Variants in JCAD observed in about 807,000 individuals in gnomAD.
JCAD encodes junctional cadherin 5 associated, also known as junctional cadherin 5-associated protein.
A neutral mutation model predicts 98.0 loss-of-function variants in JCAD; 40 were observed. That is an observed-to-expected ratio of 0.41 (90% confidence interval 0.32 to 0.53). The LOEUF (loss-of-function observed/expected upper bound fraction) is 0.53, where lower values mean the gene tolerates loss of function less well. Ranked by LOEUF, JCAD falls within the 20% of genes least tolerant of loss-of-function variation. The pLI, the probability that JCAD is intolerant of heterozygous loss-of-function variation, is 0.31. For missense variants in JCAD, 1,705 were observed against 1,738.1 expected (o/e 0.98, Z 0.34); for synonymous variants, 691 against 682.3 (o/e 1.01, Z -0.20).
intron 1 of JCAD, among the ~76,000 whole-genome samples, chr10:30,049,097 T>C (rs1837415498): frequency 6.6e-6 from 1 of 152,240 alleles, no homozygotes; most frequent in Non-Finnish European, 1.5e-5. Flanking sequence ...TGTTTATTCC[T>C]ACATGAGAAC....
rs1193989222 is a variant in JCAD at position 30,059,327 on chromosome 10, G to C, written c.-60+155C>G. ...AGGCGGGGCTGCGACTGGGGGTGCA[G>C]ACATCCCCCACCGCCAGGGTGGCTG... On this transcript the variant is annotated intron_variant, in intron 1 of 3. Transcript: ENST00000375377. This position sits in a 1 kb window ranked among gnomAD's most constrained non-coding sequence, Gnocchi z 5.0. Among the ~76,000 whole-genome samples, 4 of 151,294 alleles carry C rather than the reference G, an allele frequency of 2.6e-5. No homozygotes were observed. The highest frequency in any genetic ancestry group is 5.9e-5 in the Non-Finnish European group (4 of 67,706).
intron 2 of JCAD, among the ~76,000 whole-genome samples, chr10:30,033,452 C>T (rs1405436503): frequency 6.6e-6 from 1 of 152,206 alleles, no homozygotes; most frequent in Admixed American, 6.5e-5. Context: ...TGTTGTCAAA[C>T]TGACCTTAGA....
chr10:30,050,925 C>A (rs1469641751), intron 1 of JCAD, among the ~76,000 whole-genome samples: 2 of 152,198 alleles, frequency 1.3e-5, no homozygotes, highest in Non-Finnish European at 2.9e-5. Flanking sequence ...ATGCTTCCAG[C>A]AAACTTCTCG....
chr10:30,027,098 G>A lies in JCAD; in HGVS notation c.3050C>T (p.Ala1017Val). ...SAFSSVKPSE[A>V]VPRKFDSGGE... ...ACCACTGTCAAACTTCCGAGGGACC[G>A]CTTCACTTGGTTTCACAGAGCTGAA... Residue 1017 changes from alanine to valine, a missense_variant, in exon 3 of 4, where the codon GCG becomes GTG. This residue lies in a region of JCAD where 1,278 missense variants were observed against 1,243.1 expected (regional missense o/e 1.03). Coordinates refer to ENST00000375377, the MANE Select transcript of JCAD (RefSeq NM_020848.4). 2 of 1,614,182 alleles carry A rather than the reference G, an allele frequency of 1.2e-6. No homozygotes were observed. The highest frequency in any genetic ancestry group is 2.2e-5 in the South Asian group (2 of 91,086).
Position 30,040,499 on chromosome 10 carries a change from T to C in JCAD, c.281+7033A>G, listed in dbSNP as rs761902915. 6.7e-4 allele frequency among the ~76,000 whole-genome samples: 102 copies of C among 152,226 alleles called. 2 individuals are homozygous for C. Among genetic ancestry groups the C allele is most frequent in the Non-Finnish European group, 1.9e-4 (13 of 68,038 alleles). ...GGAGAAAGACCAGCCTCGTTCTCAT[T>C]TGCCTTTTTCTAGCACCACTCTTGC... On this transcript the variant is annotated intron_variant, in intron 2 of 3. Coordinates refer to ENST00000375377, the MANE Select transcript of JCAD (RefSeq NM_020848.4).
chr10:30,084,224 A>G (rs558230318), intron 1 of JCAD, among the ~76,000 whole-genome samples: 120 of 152,050 alleles, frequency 7.9e-4, no homozygotes, highest in African/African-American at 2.9e-3. Flanking sequence ...AGGAAGGAAG[A>G]AAGGAAGAAA....
intron 2 of JCAD, among the ~76,000 whole-genome samples, chr10:30,040,874 TA>T (rs1837231349): frequency 6.6e-6 from 1 of 152,242 alleles, no homozygotes; most frequent in African/African-American, 2.4e-5. Flanking sequence ...CTCACATTCC[TA>T]CCCTTGGTGT....
chr10:30,075,937 A>G (rs886645421), intron 1 of JCAD, among the ~76,000 whole-genome samples: 5 of 152,174 alleles, frequency 3.3e-5, no homozygotes, highest in African/African-American at 1.2e-4. Context: ...GTTCTGAATC[A>G]TCTACACCAA....
chr10:30,052,541 C>G (rs1238849153), intron 1 of JCAD, among the ~76,000 whole-genome samples: 4 of 152,152 alleles, frequency 2.6e-5, no homozygotes, highest in Non-Finnish European at 5.9e-5. Flanking sequence ...ATGCAGAGGC[C>G]ACCCAAGAGA....
Position 30,017,814 on chromosome 10 carries a change from T to TA in JCAD, c.*68dup. On this transcript the variant is annotated 3_prime_UTR_variant, in exon 4 of 4. Coordinates refer to ENST00000375377, the MANE Select transcript of JCAD (RefSeq NM_020848.4). ...CTTCTACATGGGGAAGTGGGGCTGA[T>TA]AGACTAAATCTACCAGCTACTTGAG... The TA allele has an allele frequency of 7.0e-7, 1 of 1,420,536 alleles. No homozygotes were observed. Among genetic ancestry groups the TA allele is most frequent in the Non-Finnish European group, 1.0e-6 (1 of 1,003,388 alleles). The allele number at this position is 1,420,536 out of a possible 1,614,324, so 88.0% of individuals were successfully genotyped here. A position where few individuals can be genotyped will look rare whatever the true frequency, so the allele number is the denominator to read the frequency against.
intron 1 of JCAD, among the ~76,000 whole-genome samples, chr10:30,110,058 T>G (rs531102261): frequency 6.6e-6 from 1 of 151,982 alleles, no homozygotes; most frequent in East Asian, 2.0e-4. Context: ...CCCCAATATA[T>G]GGACCAATTG....
Position 30,013,114 on chromosome 10 carries a change from T to A in JCAD, c.*4769A>T, listed in dbSNP as rs149150210. The A allele has an allele frequency of 6.6e-5, 10 of 152,374 alleles. No individual in the cohort carries two copies. Among genetic ancestry groups the A allele is most frequent in the African/African-American group, 2.2e-4 (9 of 41,548 alleles). The allele number at this position is 152,374 out of a possible 1,614,324, so 9.4% of individuals were successfully genotyped here. Reference sequence around the variant, plus strand: ...TGGGACCCTTTCTACCTGTCTTAGGTATTAATGGTGCCCAAAGAAAAAATG... The same window carrying A: ...TGGGACCCTTTCTACCTGTCTTAGGAATTAATGGTGCCCAAAGAAAAAATG... On this transcript the variant is annotated 3_prime_UTR_variant, in exon 4 of 4. Coordinates refer to ENST00000375377, the MANE Select transcript of JCAD (RefSeq NM_020848.4).
chr10:30,017,553 C>T lies in JCAD; in HGVS notation c.*330G>A. 2.5e-6 allele frequency: 1 copy of T among 398,112 alleles called. No individual in the cohort carries two copies. The allele number at this position is 398,112 out of a possible 1,614,324, so 24.7% of individuals were successfully genotyped here. ...GCTAGATCTTCCACATTGAAATCTT[C>T]ACCCAGAATGAGAGCAACACCAAAC... is the stretch of plus-strand genomic sequence containing the variant. On this transcript the variant is annotated 3_prime_UTR_variant, in exon 4 of 4. Transcript: ENST00000375377.
intron 1 of JCAD, among the ~76,000 whole-genome samples, chr10:30,110,328 T>C (rs1278276788): frequency 6.6e-6 from 1 of 151,726 alleles, no homozygotes; most frequent in Non-Finnish European, 1.5e-5. Flanking sequence ...CACTGATGCA[T>C]GGACCAGATG....
At chr10:30,067,777 T>C (rs1837810761) in intron 2 of JCAD, among the ~76,000 whole-genome samples, 2 of 152,170 alleles carry the variant, frequency 1.3e-5, no homozygotes, top group African/African-American at 4.8e-5. Flanking sequence ...TGAGAATACG[T>C]TCTGAGAATT....
At chr10:30,111,005 T>G (rs1261677416) in intron 1 of JCAD, among the ~76,000 whole-genome samples, 1 of 152,018 alleles carries the variant, frequency 6.6e-6, no homozygotes, top group Non-Finnish European at 1.5e-5. Flanking sequence ...AGGTATGGAC[T>G]AACTGATGTA....
Position 30,014,556 on chromosome 10 carries a change from C to A in JCAD, c.*3327G>T, listed in dbSNP as rs1408153259. 6.6e-6 allele frequency: 1 copy of A among 152,200 alleles called. No homozygotes were observed. Among genetic ancestry groups the A allele is most frequent in the Non-Finnish European group, 1.5e-5 (1 of 68,034 alleles). 9.4% of individuals were successfully genotyped at this position (152,200 alleles called of 1,614,324 possible). A position where few individuals can be genotyped will look rare whatever the true frequency, so the allele number is the denominator to read the frequency against. On this transcript the variant is annotated 3_prime_UTR_variant, in exon 4 of 4. Coordinates refer to ENST00000375377, the MANE Select transcript of JCAD (RefSeq NM_020848.4). ...CAGCCAGAACACGCAAACGTGATCT[C>A]TGGGGGTCACAAGATGAAATGGTAG...
chr10:30,022,962 C>T (rs977337615), intron 3 of JCAD, among the ~76,000 whole-genome samples: 9 of 152,128 alleles, frequency 5.9e-5, no homozygotes, highest in African/African-American at 2.2e-4. Flanking sequence ...CTGCAAGCTC[C>T]ATTCATGGTA....
intron 1 of JCAD, among the ~76,000 whole-genome samples, chr10:30,081,017 T>C (rs1838073405): frequency 1.3e-5 from 2 of 152,236 alleles, no homozygotes; most frequent in African/African-American, 4.8e-5. Flanking sequence ...GCACCAGGTG[T>C]ACTTATACCA....
Sources: gnomAD v4.1 joint callset for allele counts (sites outside exome capture counted in the v4.1 genomes callset) on GRCh38, gnomAD v4.1.1 for gene constraint, gnomAD v4.1.1 regional missense constraint, Gnocchi (gnomAD v3.1) non-coding constraint, MANE v1.5 for transcripts, NCBI Gene and HGNC (gene_info 2026-07-23, HGNC 2026-07-21) for gene names.